CTNNA2: variants seen among roughly 807,000 people sequenced by gnomAD.
CTNNA2 encodes catenin alpha-2.
A neutral mutation model predicts 101.0 loss-of-function variants in CTNNA2; 42 were observed. The observed-to-expected ratio is 0.42, with a 90% CI of 0.32 to 0.54. The LOEUF (loss-of-function observed/expected upper bound fraction) is 0.54, where lower values mean the gene tolerates loss of function less well. CTNNA2 is among the 20% of genes least tolerant of loss of function. The pLI, the probability that CTNNA2 is intolerant of heterozygous loss-of-function variation, is 0.14. For missense variants in CTNNA2, 871 were observed against 1,223.1 expected (o/e 0.71, Z 4.29); for synonymous variants, 450 against 456.4 (o/e 0.99, Z 0.18).
chr2:79,336,794 G>A (rs780528533), intron 3 of CTNNA2, among the ~76,000 whole-genome samples: 36 of 152,244 alleles, frequency 2.4e-4, no homozygotes, highest in African/African-American at 8.7e-4. Context: ...TTGATTAAAT[G>A]ATACATTGCA....
intron 1 of CTNNA2, among the ~76,000 whole-genome samples, chr2:79,536,095 A>G (rs959483069): frequency 1.3e-5 from 2 of 152,192 alleles, no homozygotes; most frequent in African/African-American, 4.8e-5. Flanking sequence ...GGTCAAGGTA[A>G]TGAGGCACTG....
chr2:79,232,942 G>T (rs1214381871), intron 2 of CTNNA2, among the ~76,000 whole-genome samples: 2 of 151,944 alleles, frequency 1.3e-5, no homozygotes, highest in East Asian at 1.9e-4. Flanking sequence ...CTTCTTAATT[G>T]TTAATTCAGC....
chr2:80,265,241 T>C lies in CTNNA2; in HGVS notation c.1057-127970T>C, dbSNP rs550374986. ...CTGCCTGCCTTGGCCTCCTAAAATG[T>C]TGGAATTACAGGCGTGAGCCACTCC... On this transcript the variant is annotated intron_variant, in intron 7 of 18. Transcript: ENST00000402739. Among the ~76,000 whole-genome samples, 11 of 152,202 alleles carry C rather than the reference T, an allele frequency of 7.2e-5. No individual in the cohort carries two copies. In the East Asian group the frequency reaches 2.1e-3, roughly 29 times the overall value.
intron 7 of CTNNA2, among the ~76,000 whole-genome samples, chr2:80,046,734 T>C (rs1427112016): frequency 4.6e-5 from 7 of 152,240 alleles, no homozygotes; most frequent in African/African-American, 1.4e-4. Flanking sequence ...GTTTTGTCAG[T>C]TGAGCAATTC....
chr2:80,009,659 TATC>T (rs1370985011), intron 7 of CTNNA2, among the ~76,000 whole-genome samples: 1 of 152,064 alleles, frequency 6.6e-6, no homozygotes, highest in East Asian at 1.9e-4. Flanking sequence ...CAATTAAAGG[TATC>T]ATTCATCCTG....
chr2:80,290,617 C>A (rs1675153862), intron 7 of CTNNA2, among the ~76,000 whole-genome samples: 1 of 151,914 alleles, frequency 6.6e-6, no homozygotes, highest in Non-Finnish European at 1.5e-5. Flanking sequence ...CCTAATTACT[C>A]CCCCTCCCTG....
chr2:79,385,893 A>G (rs1482059704), intron 4 of CTNNA2, among the ~76,000 whole-genome samples: 1 of 152,126 alleles, frequency 6.6e-6, no homozygotes, highest in African/African-American at 2.4e-5. Flanking sequence ...ATAGTATTTC[A>G]TGGTGTATAT....
At chr2:79,817,753 G>A (rs918319472) in intron 3 of CTNNA2, among the ~76,000 whole-genome samples, 1 of 152,180 alleles carries the variant, frequency 6.6e-6, no homozygotes, top group African/African-American at 2.4e-5. Flanking sequence ...AAAAAGGCAG[G>A]AGACAAATAA....
chr2:79,620,677 T>C (rs970153603), intron 1 of CTNNA2, among the ~76,000 whole-genome samples: 3 of 152,176 alleles, frequency 2.0e-5, no homozygotes, highest in Non-Finnish European at 2.9e-5. Flanking sequence ...GGAGGTTCTG[T>C]TGACCCTCAA....
rs375072563 is a variant in CTNNA2, at chr2:80,119,700, T to C, written c.1056+209903T>C. Among the ~76,000 whole-genome samples, 5 of 152,300 alleles carry C rather than the reference T, an allele frequency of 3.3e-5. No homozygotes were observed. The East Asian group carries it at 9.6e-4, about 29-fold the overall frequency. On this transcript the variant is annotated intron_variant, in intron 7 of 18. Transcript: ENST00000402739. ...TTTCTGAATCCTCAATGTGAAATGA[T>C]TCAGAAAAATTTTTAAAATAATTGG...
rs773134723 is a variant in CTNNA2, at chr2:80,555,732, C to T, written c.1580C>T (p.Ala527Val). 6.3e-7 allele frequency: 1 copy of T among 1,575,958 alleles called. No homozygotes were observed. The highest frequency in any genetic ancestry group is 1.2e-5 in the South Asian group (1 of 82,890). ...GAGGATGTGAACAAGTGTGTGATAG[C>T]CCTCCAAGAGGGCGATGTGGACACT... ...ILEDVNKCVI[A>V]LQEGDVDTLD... Residue 527 changes from alanine (A) to valine (V), a missense_variant, in exon 12 of 19, where the codon GCC becomes GTC. By Grantham distance (64) the Ala-to-Val change is moderately conservative. This residue lies in a region of CTNNA2 where 647 missense variants were observed against 831.5 expected (regional missense o/e 0.78). Transcript: ENST00000402739.
chr2:80,562,085 A>ATC (rs34468836), intron 12 of CTNNA2, among the ~76,000 whole-genome samples: 32,995 of 146,726 alleles, frequency 0.22, 3,800 homozygotes, highest in African/African-American at 0.28. Context: ...ATGTAAACAT[A>ATC]TCTGGAGAAG....
intron 9 of CTNNA2, among the ~76,000 whole-genome samples, chr2:80,479,791 A>C (rs899959004): frequency 6.6e-6 from 1 of 152,202 alleles, no homozygotes; most frequent in Admixed American, 6.5e-5. Flanking sequence ...TATTGAAAAC[A>C]TTTTAATCAC....
chr2:79,703,971 CTT>C (rs1368625679), intron 2 of CTNNA2, among the ~76,000 whole-genome samples: 1 of 151,928 alleles, frequency 6.6e-6, no homozygotes, highest in Non-Finnish European at 1.5e-5. Flanking sequence ...GTTTATATCT[CTT>C]TTATCTAAAT....
intron 6 of CTNNA2, among the ~76,000 whole-genome samples, chr2:79,878,530 A>G (rs1298994372): frequency 2.0e-5 from 3 of 152,110 alleles, no homozygotes; most frequent in Non-Finnish European, 4.4e-5. Context: ...TGCCATTCTG[A>G]CTGGCCTGAG....
intron 8 of CTNNA2, among the ~76,000 whole-genome samples, chr2:80,409,497 G>C (rs1013263489): frequency 1.3e-5 from 2 of 152,110 alleles, no homozygotes; most frequent in Admixed American, 1.3e-4. Flanking sequence ...TTGAGACAGT[G>C]GAGGAGTTTT....
rs147059709 is a variant in CTNNA2 at position 80,260,743 on chromosome 2, G to A, written c.1057-132468G>A. On this transcript the variant is annotated intron_variant, in intron 7 of 18. Transcript: ENST00000402739. ...ATAGCAAAGAGCAGAGCCAACCCAC[G>A]TCACATGTTAAAATAAGCTCCATTT... Among the ~76,000 whole-genome samples the A allele has an allele frequency of 2.3e-4, 35 of 152,186 alleles. 1 individual carries two copies. Among genetic ancestry groups the A allele is most frequent in the African/African-American group, 6.7e-4 (28 of 41,534 alleles).
chr2:80,553,394 T>A (rs1692759236), intron 11 of CTNNA2, among the ~76,000 whole-genome samples: 1 of 152,166 alleles, frequency 6.6e-6, no homozygotes, highest in Non-Finnish European at 1.5e-5. Context: ...TTATTTTAAA[T>A]AGGTATAATA....
intron 7 of CTNNA2, among the ~76,000 whole-genome samples, chr2:80,138,831 A>G (rs1170183104): frequency 6.6e-6 from 1 of 152,216 alleles, no homozygotes; most frequent in Non-Finnish European, 1.5e-5. Context: ...CTTAGAGATC[A>G]ATAAAAATGC....
Sources: gnomAD v4.1 joint callset for allele counts (sites outside exome capture counted in the v4.1 genomes callset) on GRCh38, gnomAD v4.1.1 for gene constraint, gnomAD v4.1.1 regional missense constraint, MANE v1.5 for transcripts, NCBI Gene and HGNC (gene_info 2026-07-23, HGNC 2026-07-21) for gene names.